MBD5: variants seen among roughly 807,000 people sequenced by gnomAD.
The protein encoded by MBD5 is methyl-CpG-binding domain protein 5.
A neutral mutation model predicts 117.3 loss-of-function variants in MBD5; 13 were observed. The observed-to-expected ratio is 0.11, with a 90% CI of 0.07 to 0.18. The LOEUF is 0.18. MBD5 is among the 10% of genes least tolerant of loss of function. MBD5 has a pLI of 1.00. For synonymous variants in MBD5, 727 were observed against 766.4 expected (o/e 0.95, Z 0.85); for missense variants, 1,879 against 2,093.8 (o/e 0.90, Z 2.00).
intron 1 of MBD5, among the ~76,000 whole-genome samples, chr2:148,035,201 C>G (rs1019660840): frequency 8.6e-5 from 13 of 151,650 alleles, no homozygotes; most frequent in African/African-American, 3.2e-4. Flanking sequence ...TTATTAATAA[C>G]AAAATATCAC....
intron 2 of MBD5, among the ~76,000 whole-genome samples, chr2:148,195,889 G>A (rs1312304747): frequency 6.6e-6 from 1 of 152,100 alleles, no homozygotes; most frequent in African/African-American, 2.4e-5. Flanking sequence ...ACTAACACAT[G>A]GCTTAGAAAG....
At chr2:148,058,820 T>G (rs939226182) in intron 1 of MBD5, among the ~76,000 whole-genome samples, 2 of 152,182 alleles carry the variant, frequency 1.3e-5, no homozygotes, top group African/African-American at 4.8e-5. Context: ...ATTACTAATT[T>G]AAACACTTCC....
At chr2:148,372,911 G>A (rs375292304) in intron 4 of MBD5, among the ~76,000 whole-genome samples, 6 of 152,114 alleles carry the variant, frequency 3.9e-5, no homozygotes, top group South Asian at 2.1e-4. Context: ...ATTTTCCACC[G>A]ACTCTGCTAG....
chr2:148,093,997 G>T (rs1696003580), intron 1 of MBD5, among the ~76,000 whole-genome samples: 1 of 152,096 alleles, frequency 6.6e-6, no homozygotes, highest in Admixed American at 6.5e-5. Flanking sequence ...GGAGAAACTT[G>T]TTGTGTTCTC....
chr2:148,276,400 T>C (rs1242267810), intron 3 of MBD5, among the ~76,000 whole-genome samples: 3 of 152,192 alleles, frequency 2.0e-5, no homozygotes, highest in African/African-American at 4.8e-5. Context: ...TAATTAATAT[T>C]ATTGCACTTT....
intron 3 of MBD5, among the ~76,000 whole-genome samples, chr2:148,283,623 C>T (rs946509493): frequency 2.6e-5 from 4 of 152,030 alleles, no homozygotes; most frequent in African/African-American, 7.3e-5. Flanking sequence ...ACCATTTATC[C>T]TTCACCGATG....
intron 4 of MBD5, among the ~76,000 whole-genome samples, chr2:148,367,156 G>A (rs1447138232): frequency 6.6e-6 from 1 of 151,926 alleles, no homozygotes; most frequent in Non-Finnish European, 1.5e-5. Flanking sequence ...CAGAACAGAG[G>A]CCTCAGAAAT....
chr2:148,053,790 T>G (rs1441151010), intron 1 of MBD5: 1 of 152,146 alleles, frequency 6.6e-6, no homozygotes, highest in African/African-American at 2.4e-5. Context: ...TCCATCCTAC[T>G]AGTGATGGGT....
chr2:148,290,474 A>G (rs1332321168), intron 3 of MBD5, among the ~76,000 whole-genome samples: 1 of 152,118 alleles, frequency 6.6e-6, no homozygotes, highest in Non-Finnish European at 1.5e-5. Flanking sequence ...TTGCACTGCC[A>G]TGACTCTCCT....
At chr2:148,125,469 C>T (rs996345012) in intron 1 of MBD5, among the ~76,000 whole-genome samples, 1 of 152,046 alleles carries the variant, frequency 6.6e-6, no homozygotes, top group African/African-American at 2.4e-5. Flanking sequence ...TAAATTTATT[C>T]CTCATATTAC....
intron 11 of MBD5, among the ~76,000 whole-genome samples, chr2:148,497,908 C>A (rs1182497046): frequency 2.0e-5 from 3 of 152,048 alleles, no homozygotes; most frequent in Admixed American, 6.5e-5. Flanking sequence ...CCTTCATGTT[C>A]GTGGTCATTT....
intron 1 of MBD5, among the ~76,000 whole-genome samples, chr2:148,037,530 A>G (rs1458543773): frequency 2.6e-5 from 4 of 151,944 alleles, no homozygotes; most frequent in African/African-American, 9.7e-5. Context: ...TAAATGAGAC[A>G]GTTAGAGACA....
At chr2:148,481,009 CAAT>C (rs1207309033) in intron 8 of MBD5, among the ~76,000 whole-genome samples, 4 of 152,136 alleles carry the variant, frequency 2.6e-5, no homozygotes, top group Non-Finnish European at 4.4e-5. Flanking sequence ...CTACTAATGT[CAAT>C]AATGATGATA....
chr2:148,369,053 C>T (rs914210503), intron 4 of MBD5, among the ~76,000 whole-genome samples: 24 of 152,184 alleles, frequency 1.6e-4, no homozygotes, highest in South Asian at 4.2e-4. Context: ...AGCATCGCCT[C>T]TGTAATATTC....
chr2:148,352,942 G>T (rs987126853), intron 4 of MBD5, among the ~76,000 whole-genome samples: 2 of 151,932 alleles, frequency 1.3e-5, no homozygotes, highest in African/African-American at 2.4e-5. Context: ...AGGATTTTTT[G>T]AGAAATCAAA....
intron 1 of MBD5, chr2:148,027,997 G>A (rs1693945148): frequency 6.6e-6 from 1 of 152,018 alleles, no homozygotes; most frequent in South Asian, 2.1e-4. Context: ...GTATTTCTAT[G>A]TCATGTAAGA....
At chr2:148,180,080 T>C (rs1386367558) in intron 2 of MBD5, among the ~76,000 whole-genome samples, 1 of 151,896 alleles carries the variant, frequency 6.6e-6, no homozygotes, top group Admixed American at 6.6e-5. Flanking sequence ...ATTTAGAGTC[T>C]ATTTTTTCTC....
chr2:148,437,453 T>C (rs1706187619), intron 4 of MBD5, among the ~76,000 whole-genome samples: 1 of 152,058 alleles, frequency 6.6e-6, no homozygotes, highest in Admixed American at 6.6e-5. Context: ...AATACTGAAA[T>C]TCTGAAACAT....
chr2:148,048,507 A>G (rs1694599218), intron 1 of MBD5, among the ~76,000 whole-genome samples: 1 of 152,136 alleles, frequency 6.6e-6, no homozygotes, highest in Admixed American at 6.5e-5. Context: ...AGAAAATAAG[A>G]ACTGAGAAAA....
Sources: gnomAD v4.1 joint callset for allele counts (sites outside exome capture counted in the v4.1 genomes callset) on GRCh38, gnomAD v4.1.1 for gene constraint, MANE v1.5 for transcripts, NCBI Gene and HGNC (gene_info 2026-07-23, HGNC 2026-07-21) for gene names.